The following SLC7A13 variants were observed in gnomAD, a reference collection of about 807,000 sequenced individuals.
SLC7A13 encodes the protein X-amino acid transporter 2.
Under a neutral mutation model 32.0 loss-of-function variants are expected in SLC7A13, and 31 were observed. That is an observed-to-expected ratio of 0.97 (90% CI 0.73 to 1.31). The LOEUF (loss-of-function observed/expected upper bound fraction) is 1.31. Ranked by LOEUF, SLC7A13 falls within the 50% of genes most tolerant of loss-of-function variation. The pLI is 0.00. For synonymous variants in SLC7A13, 232 were observed against 206.9 expected (o/e 1.12, Z -1.04); for missense variants, 633 against 546.9 (o/e 1.16, Z -1.57).
Position 86,214,298 on chromosome 8 carries a change from A to T in SLC7A13, c.*115T>A, listed in dbSNP as rs1161706856. On this transcript the variant is annotated 3_prime_UTR_variant, in exon 4 of 4. Coordinates refer to ENST00000297524, the MANE Select transcript of SLC7A13 (RefSeq NM_138817.3). The stretch of plus-strand genomic sequence containing the variant: ...CATTACTTATTTCATTTGAGAAAAA[A>T]ATATTTACCATAGGAATTTCACCAT... 1.5e-6 allele frequency: 1 copy of T among 669,946 alleles called. No homozygotes were observed. Among genetic ancestry groups the T allele is most frequent in the Non-Finnish European group, 2.5e-6 (1 of 405,582 alleles). 41.5% of individuals were successfully genotyped at this position (669,946 alleles called of 1,614,324 possible).
At chr8:86,225,179 T>C (rs934605947) in intron 1 of SLC7A13, among the ~76,000 whole-genome samples, 4 of 152,194 alleles carry the variant, frequency 2.6e-5, no homozygotes, top group Non-Finnish European at 5.9e-5. Flanking sequence ...CTAATAAATA[T>C]CTATCATTTG....
intron 2 of SLC7A13, among the ~76,000 whole-genome samples, chr8:86,221,538 G>T (rs997190197): frequency 6.6e-6 from 1 of 151,922 alleles, no homozygotes; most frequent in Non-Finnish European, 1.5e-5. Flanking sequence ...ATATGTATAC[G>T]TGTGCCATGC....
At chr8:86,227,499 C>A (rs1820407990) in intron 1 of SLC7A13, among the ~76,000 whole-genome samples, 1 of 152,178 alleles carries the variant, frequency 6.6e-6, no homozygotes, top group Non-Finnish European at 1.5e-5. Context: ...TCTAGAATAT[C>A]TATGCTTCTC....
Position 86,230,328 on chromosome 8 carries a change from C to T in SLC7A13, c.-51G>A, listed in dbSNP as rs780427666. On this transcript the variant is annotated 5_prime_UTR_variant, in exon 1 of 4. Coordinates refer to ENST00000297524, the MANE Select transcript of SLC7A13 (RefSeq NM_138817.3). ...ATATAAATTACAATTTCTAGATTTT[C>T]CTGCCTATGTAGCTGCAAAGGATGT... 2.1e-6 allele frequency: 3 copies of T among 1,450,776 alleles called. No homozygotes were observed. Among genetic ancestry groups the T allele is most frequent in the African/African-American group, 2.9e-5 (2 of 70,076 alleles). The allele number at this position is 1,450,776 out of a possible 1,614,324, so 89.9% of individuals were successfully genotyped here. A position where few individuals can be genotyped will look rare whatever the true frequency, so the allele number is the denominator to read the frequency against.
chr8:86,217,927 T>C, intron 2 of SLC7A13, 96 bp from the exon 3 acceptor site: 1 of 1,271,300 alleles, frequency 7.9e-7, no homozygotes, highest in Non-Finnish European at 1.1e-6. Flanking sequence ...AACAGAAACT[T>C]AAGTAATTAA....
chr8:86,226,431 A>G (rs995955347), intron 1 of SLC7A13, among the ~76,000 whole-genome samples: 1 of 152,174 alleles, frequency 6.6e-6, no homozygotes, highest in Non-Finnish European at 1.5e-5. Flanking sequence ...TACATTATCA[A>G]TGATGGCGCT....
chr8:86,215,996 A>AT (rs1820175067), intron 3 of SLC7A13, among the ~76,000 whole-genome samples: 1 of 152,088 alleles, frequency 6.6e-6, no homozygotes, highest in African/African-American at 2.4e-5. Flanking sequence ...GGTAGGTATT[A>AT]TTTTTTCCCA....
In SLC7A13 at chr8:86,217,477, G is replaced by T. The variant is rs145100097; in HGVS notation, c.1172C>A (p.Pro391His). The change falls in exon 3 of 4, where the codon CCT (proline) becomes CAT (histidine). Residue 391 changes from proline to histidine, a missense_variant. By Grantham distance (77) the Pro-to-His change is moderately conservative. Coordinates refer to ENST00000297524, the MANE Select transcript of SLC7A13 (RefSeq NM_138817.3). ...TTAGAAATCCAATTTTACCTTATAA[G>T]GTATAGATAGATTGGGTTCCTGGTA... is the stretch of plus-strand genomic sequence containing the variant. ...RRYQEPNLSI[P>H]YKVFLSFPLA... 2.4e-3 allele frequency: 3,814 copies of T among 1,572,156 alleles called. 49 individuals are homozygous for T. Among genetic ancestry groups the T allele is most frequent in the Non-Finnish European group, 1.2e-3 (1,354 of 1,164,096 alleles).
chr8:86,215,027 G>A (rs1051513056), intron 3 of SLC7A13, among the ~76,000 whole-genome samples: 2 of 152,056 alleles, frequency 1.3e-5, no homozygotes, highest in Non-Finnish European at 2.9e-5. Flanking sequence ...AGAAATTCAT[G>A]ACAAAACAGA....
intron 1 of SLC7A13, 117 bp downstream of exon 1, chr8:86,229,476 C>T (rs1820444382): frequency 3.0e-6 from 3 of 1,002,618 alleles, no homozygotes; most frequent in Middle Eastern, 2.2e-4. Flanking sequence ...TTCAGAAAGT[C>T]ACAAAGAAGA....
At position 86,223,066 on chromosome 8, in the gene SLC7A13, G is replaced by A; in HGVS notation, c.723C>T (p.Cys241=). 2 of 1,606,252 alleles carry A rather than the reference G, an allele frequency of 1.2e-6. No individual in the cohort carries two copies. Among genetic ancestry groups the A allele is most frequent in the Non-Finnish European group, 1.7e-6 (2 of 1,176,228 alleles). ...LKKPRTTIPK[C]IFTALPLVTV... ...TCACCAGAGGTAACGCAGTAAATATGCATTTGGGAATTGTTGTTCTGGGCT... is the reference window on the plus strand; with the variant it reads ...TCACCAGAGGTAACGCAGTAAATATACATTTGGGAATTGTTGTTCTGGGCT... Residue 241 remains cysteine (C), a synonymous_variant, in exon 2 of 4, where the codon TGC becomes TGT. Coordinates refer to ENST00000297524, the MANE Select transcript of SLC7A13 (RefSeq NM_138817.3).
chr8:86,217,817 T>A lies in SLC7A13; in HGVS notation c.832A>T (p.Thr278Ser). Reference sequence around the variant, plus strand: ...GAGGGAAAAGCTCGATCAGCCCATGTGATAGCTACAGCATCTGCAGAAAAA... The same window carrying A: ...GAGGGAAAAGCTCGATCAGCCCATGAGATAGCTACAGCATCTGCAGAAAAA... ...EILSSDAVAI[T>S]WADRAFPSLA... Residue 278 changes from threonine to serine, a missense_variant, in exon 3 of 4, where the codon ACA becomes TCA. Physicochemically the swap from Thr to Ser is moderately conservative, Grantham distance 58. Transcript: ENST00000297524. The A allele has an allele frequency of 6.4e-7, 1 of 1,569,610 alleles. No individual in the cohort carries two copies. The highest frequency in any genetic ancestry group is 8.6e-7 in the Non-Finnish European group (1 of 1,161,468).
chr8:86,229,452 C>G, intron 1 of SLC7A13, 141 bp downstream of exon 1: 1 of 790,338 alleles, frequency 1.3e-6, no homozygotes, highest in Non-Finnish European at 2.0e-6. Flanking sequence ...AAGTGCCAGG[C>G]TGGCATGATC....
In SLC7A13 at chr8:86,229,982, G is replaced by A. The variant is rs774480985; in HGVS notation, c.296C>T (p.Thr99Ile). The change falls in exon 1 of 4, where the codon ACA becomes ATA. Residue 99 changes from threonine to isoleucine, a missense_variant. Coordinates refer to ENST00000297524, the MANE Select transcript of SLC7A13 (RefSeq NM_138817.3). The stretch of plus-strand genomic sequence containing the variant: ...TACCCCTGACCCCAGAAACAAGGAT[G>A]TCCAGAGATTCAAAAAAGCAACCGT... ...GSTVAFLNLW[T>I]SLFLGSGVVA... 20 of 1,614,174 alleles carry A rather than the reference G, an allele frequency of 1.2e-5. No individual in the cohort carries two copies. Among genetic ancestry groups the A allele is most frequent in the Non-Finnish European group, 1.7e-5 (20 of 1,180,030 alleles).
Position 86,229,825 on chromosome 8 carries a change from A to C in SLC7A13, c.453T>G (p.Arg151=), listed in dbSNP as rs1485696028. 5 of 1,614,170 alleles carry C rather than the reference A, an allele frequency of 3.1e-6. No individual in the cohort carries two copies. In the Admixed American group the frequency reaches 5.0e-5, roughly 16 times the overall value. ...MLWIVGILTS[R]GVKEVTWLQI... is the part of the protein sequence containing the mutation. ...GAAGCCAAGTCACTTCTTTCACACC[A>C]CGAGAAGTCAGAATTCCTACAATCC... The change falls in exon 1 of 4, where the codon CGT becomes CGG. Residue 151 remains arginine (R), a synonymous_variant. Transcript: ENST00000297524.
chr8:86,220,135 G>A (rs989586782), intron 2 of SLC7A13, among the ~76,000 whole-genome samples: 1 of 151,958 alleles, frequency 6.6e-6, no homozygotes, highest in Non-Finnish European at 1.5e-5. Context: ...GCTGCATCTG[G>A]ACAGGGAAAC....
At chr8:86,229,079 A>T (rs1438381242) in intron 1 of SLC7A13, among the ~76,000 whole-genome samples, 1 of 152,200 alleles carries the variant, frequency 6.6e-6, no homozygotes, top group Non-Finnish European at 1.5e-5. Flanking sequence ...AGAATGCTTG[A>T]CGTGAAAATG....
At position 86,214,291 on chromosome 8, in the gene SLC7A13, A is replaced by G. The variant is rs1271033036; in HGVS notation, c.*122T>C. 2 of 652,204 alleles carry G rather than the reference A, an allele frequency of 3.1e-6. No individual in the cohort carries two copies. Among genetic ancestry groups the G allele is most frequent in the Non-Finnish European group, 5.1e-6 (2 of 389,520 alleles). The allele number at this position is 652,204 out of a possible 1,614,324, so 40.4% of individuals were successfully genotyped here. On this transcript the variant is annotated 3_prime_UTR_variant, in exon 4 of 4. Transcript: ENST00000297524. ...TTGTATACATTACTTATTTCATTTG[A>G]GAAAAAAATATTTACCATAGGAATT...
intron 2 of SLC7A13, among the ~76,000 whole-genome samples, chr8:86,221,366 T>A (rs550816176): frequency 6.6e-6 from 1 of 152,172 alleles, no homozygotes; most frequent in African/African-American, 2.4e-5. Flanking sequence ...ATGATTACTA[T>A]ACCTATACAT....
Sources: allele counts gnomAD v4.1 joint callset (sites outside exome capture counted in the v4.1 genomes callset), GRCh38; gene constraint gnomAD v4.1.1; transcripts MANE v1.5; gene names NCBI Gene and HGNC (gene_info 2026-07-23, HGNC 2026-07-21).